Variants in TRAK2 observed in about 807,000 individuals in gnomAD.
TRAK2 encodes trafficking kinesin-binding protein 2.
TRAK2 carries 81 observed loss-of-function variants against 104.6 expected under a neutral mutation model. The observed-to-expected ratio is 0.77, with a 90% CI of 0.65 to 0.93. The LOEUF (loss-of-function observed/expected upper bound fraction) is 0.93. Ranked by LOEUF, TRAK2 falls within the 40% of genes least tolerant of loss-of-function variation. The pLI, the probability that TRAK2 is intolerant of heterozygous loss-of-function variation, is 0.00. For missense variants in TRAK2, 1,002 were observed against 1,089.0 expected, an observed-to-expected ratio of 0.92 and a Z score of 1.12; for synonymous variants, 406 against 394.4, an observed-to-expected ratio of 1.03 and a Z score of -0.35.
At position 201,398,142 on chromosome 2, in the gene TRAK2, T is replaced by C. The variant is rs903812787; in HGVS notation, c.690+3A>G. 1.9e-6 allele frequency: 3 copies of C among 1,613,080 alleles called. No homozygotes were observed. The highest frequency in any genetic ancestry group is 2.7e-5 in the African/African-American group (2 of 74,908). The stretch of plus-strand genomic sequence containing the variant: ...AGGAAAATGGCAATTAGGTTGAACG[T>C]ACCTTGGATCGAAGAGCCATATTCT... On this transcript the variant is annotated splice_donor_region_variant and intron_variant, in intron 6 of 15. Transcript: ENST00000332624.
intron 3 of TRAK2, among the ~76,000 whole-genome samples, chr2:201,402,614 C>T (rs1951559006): frequency 1.3e-5 from 2 of 152,056 alleles, no homozygotes; most frequent in Non-Finnish European, 2.9e-5. Context: ...GGAATAGACA[C>T]AATATAATTT....
At position 201,394,664 on chromosome 2, in the gene TRAK2, CATA is replaced by C. The variant is rs1412993092; in HGVS notation, c.975+131_975+133del. On this transcript the variant is annotated intron_variant, in intron 9 of 15. Coordinates refer to ENST00000332624, the MANE Select transcript of TRAK2 (RefSeq NM_015049.3). Reference sequence around the variant, plus strand: ...CCAAAATGCTTTACTTCTTAGATCTCATAATATCATCTTAACCTTTTGTTGTTG... The same window carrying C: ...CCAAAATGCTTTACTTCTTAGATCTCATATCATCTTAACCTTTTGTTGTTG... 6.0e-5 allele frequency: 47 copies of C among 782,150 alleles called. No individual in the cohort carries two copies. The South Asian group carries it at 6.1e-4, about 10-fold the overall frequency. 48.5% of individuals were successfully genotyped at this position (782,150 alleles called of 1,614,324 possible). A position where few individuals can be genotyped will look rare whatever the true frequency, so the allele number is the denominator to read the frequency against.
chr2:201,389,701 A>C (rs1559438560), intron 11 of TRAK2, 100 bp downstream of exon 11: 1 of 1,181,784 alleles, frequency 8.5e-7, no homozygotes, highest in Non-Finnish European at 1.2e-6. Context: ...ATAGTAAGCA[A>C]ATTACTACTG....
chr2:201,426,280 G>A (rs914790051), intron 1 of TRAK2, among the ~76,000 whole-genome samples: 2 of 152,174 alleles, frequency 1.3e-5, no homozygotes, highest in African/African-American at 2.4e-5. Flanking sequence ...GCGCGTGCGA[G>A]GGATCTAGGT....
intron 2 of TRAK2, among the ~76,000 whole-genome samples, chr2:201,414,405 T>C (rs1951674454): frequency 6.6e-6 from 1 of 152,228 alleles, no homozygotes; most frequent in Admixed American, 6.5e-5. Context: ...GGTAGTATAA[T>C]GAAACATGCT....
At chr2:201,412,240 T>G (rs1363309172) in intron 2 of TRAK2, 12 of 1,001,076 alleles carry the variant, frequency 1.2e-5, no homozygotes, top group Non-Finnish European at 1.6e-5. Flanking sequence ...CAGTAGAACC[T>G]TTGGCAGTCC....
chr2:201,430,073 T>C (rs1395554112), intron 1 of TRAK2, among the ~76,000 whole-genome samples: 3 of 152,250 alleles, frequency 2.0e-5, no homozygotes, highest in Admixed American at 1.3e-4. Context: ...TGCAGGTCTG[T>C]TGGAGTTTGC....
chr2:201,420,292 C>T, intron 2 of TRAK2, 125 bp downstream of exon 2: 1 of 717,212 alleles, frequency 1.4e-6, no homozygotes, highest in Non-Finnish European at 2.4e-6. Context: ...CAGTTTTTCC[C>T]TGAGGACATC....
rs763456751 is a variant in TRAK2 at position 201,380,726 on chromosome 2, C to G, written c.2562G>C (p.Glu854Asp). 2 of 1,613,964 alleles carry G rather than the reference C, an allele frequency of 1.2e-6. No homozygotes were observed. Among genetic ancestry groups the G allele is most frequent in the Non-Finnish European group, 1.7e-6 (2 of 1,179,994 alleles). ...ARVVKNPGAQ[E>D]NGRCQEAEIG... ...TTTCTGCCTCCTGGCATCTTCCATT[C>G]TCTTGGGCACCAGGGTTCTTGACCA... Residue 854 changes from glutamate (E) to aspartate (D), a missense_variant, in exon 16 of 16, where the codon GAG becomes GAC. Coordinates refer to ENST00000332624, the MANE Select transcript of TRAK2 (RefSeq NM_015049.3).
chr2:201,388,257 T>C (rs1391506923), intron 12 of TRAK2, among the ~76,000 whole-genome samples: 1 of 152,228 alleles, frequency 6.6e-6, no homozygotes, highest in Admixed American at 6.5e-5. Flanking sequence ...AATTTTCTAT[T>C]TCATTTAATT....
chr2:201,413,540 T>C (rs1392439162), intron 2 of TRAK2, among the ~76,000 whole-genome samples: 1 of 152,122 alleles, frequency 6.6e-6, no homozygotes, highest in East Asian at 1.9e-4. Flanking sequence ...TGTATTACTA[T>C]TGAGTTTTTA....
At chr2:201,428,732 G>C (rs1951814146) in intron 1 of TRAK2, among the ~76,000 whole-genome samples, 1 of 152,170 alleles carries the variant, frequency 6.6e-6, no homozygotes, top group Non-Finnish European at 1.5e-5. Flanking sequence ...GATGGGGATG[G>C]CATTGAATCT....
At chr2:201,449,833 C>A (rs1283047337) in intron 1 of TRAK2, among the ~76,000 whole-genome samples, 1 of 151,838 alleles carries the variant, frequency 6.6e-6, no homozygotes. Context: ...TTAGTAGAGA[C>A]GGGGTTTCAC....
intron 12 of TRAK2, among the ~76,000 whole-genome samples, chr2:201,388,486 G>T (rs775913555): frequency 9.2e-5 from 14 of 152,050 alleles, no homozygotes; most frequent in Non-Finnish European, 1.9e-4. Flanking sequence ...TTTGCTTTGG[G>T]TCACAGAATC....
chr2:201,421,866 T>C (rs1951743787), intron 1 of TRAK2, among the ~76,000 whole-genome samples: 1 of 151,914 alleles, frequency 6.6e-6, no homozygotes, highest in Admixed American at 6.6e-5. Context: ...CTAGCCAACA[T>C]GGTGAAACCC....
Position 201,377,689 on chromosome 2 carries a change from T to TA in TRAK2, c.*2853dup, listed in dbSNP as rs1951301211. ...CAAGAACATACAGCACAACATTTTC[T>TA]AAAAAAGCACTTTAACAATGGTCAT... On this transcript the variant is annotated 3_prime_UTR_variant, in exon 16 of 16. Coordinates refer to ENST00000332624, the MANE Select transcript of TRAK2 (RefSeq NM_015049.3). The TA allele has an allele frequency of 1.3e-5, 2 of 152,582 alleles. No individual in the cohort carries two copies. The highest frequency in any genetic ancestry group is 4.8e-5 in the African/African-American group (2 of 41,426). The allele number at this position is 152,582 out of a possible 1,614,324, so 9.5% of individuals were successfully genotyped here. A position where few individuals can be genotyped will look rare whatever the true frequency, so the allele number is the denominator to read the frequency against.
chr2:201,390,563 CAA>C (rs566298441), intron 10 of TRAK2, among the ~76,000 whole-genome samples: 1 of 87,252 alleles, frequency 1.1e-5, no homozygotes, highest in Admixed American at 1.4e-4. Context: ...GACTCCGTCT[CAA>C]AAAAAAAAAA....
At position 201,381,220 on chromosome 2, in the gene TRAK2, TTA is replaced by T. The variant is rs1491096169; in HGVS notation, c.2070-4_2070-3del. On this transcript the variant is annotated splice_polypyrimidine_tract_variant and splice_region_variant and intron_variant, in intron 15 of 15. Coordinates refer to ENST00000332624, the MANE Select transcript of TRAK2 (RefSeq NM_015049.3). Reference sequence around the variant, plus strand: ...CAGGATAATGAAGGGAACCCAGAGCTTAAAAAAAAAAAAAAAAAGTGGGAGAC... The same window carrying T: ...CAGGATAATGAAGGGAACCCAGAGCTAAAAAAAAAAAAAAAAGTGGGAGAC... 3 of 1,481,506 alleles carry T rather than the reference TTA, an allele frequency of 2.0e-6. No individual in the cohort carries two copies. The highest frequency in any genetic ancestry group is 2.7e-6 in the Non-Finnish European group (3 of 1,112,170). 91.8% of individuals were successfully genotyped at this position (1,481,506 alleles called of 1,614,324 possible).
At chr2:201,412,476 A>G (rs1325949919) in intron 2 of TRAK2, 2 of 1,147,704 alleles carry the variant, frequency 1.7e-6, no homozygotes, top group Non-Finnish European at 1.3e-6. Context: ...CCAACTGCCT[A>G]CTGAAACTCT....
Sources: gnomAD v4.1 joint callset for allele counts (sites outside exome capture counted in the v4.1 genomes callset) on GRCh38, gnomAD v4.1.1 for gene constraint, MANE v1.5 for transcripts, NCBI Gene and HGNC (gene_info 2026-07-23, HGNC 2026-07-21) for gene names.